The following CD6 variants were observed in gnomAD, a reference collection of about 807,000 sequenced individuals.
CD6 encodes CD6 molecule.
Under a neutral mutation model 75.3 loss-of-function variants are expected in CD6, and 53 were observed. That is an observed-to-expected ratio of 0.70 (90% CI 0.56 to 0.88). The LOEUF is 0.88. CD6 is among the 40% of genes least tolerant of loss of function. CD6 has a pLI of 0.00. For missense variants in CD6, 770 were observed against 897.1 expected (o/e 0.86, Z 1.81); for synonymous variants, 359 against 381.5 (o/e 0.94, Z 0.69).
chr11:60,974,162 G>T (rs1157616737), intron 1 of CD6, among the ~76,000 whole-genome samples: 1 of 152,192 alleles, frequency 6.6e-6, no homozygotes. Context: ...CTGGGATAAT[G>T]AAGTGCGTGT....
chr11:61,014,734 CA>C (rs553540779), intron 8 of CD6, among the ~76,000 whole-genome samples: 2,678 of 104,546 alleles, frequency 0.026, 155 homozygotes, highest in Admixed American at 0.16. Context: ...GACTCTGTCT[CA>C]AAAAAAAAAA....
intron 1 of CD6, among the ~76,000 whole-genome samples, chr11:60,987,259 A>C (rs1176434043): frequency 6.6e-6 from 1 of 152,174 alleles, no homozygotes; most frequent in Non-Finnish European, 1.5e-5. Flanking sequence ...AATCTTGGGC[A>C]TTTCTTGACT....
intron 1 of CD6, among the ~76,000 whole-genome samples, chr11:60,992,797 C>T (rs772363456): frequency 6.5e-4 from 99 of 152,098 alleles, no homozygotes; most frequent in African/African-American, 2.3e-3. Flanking sequence ...CACTACACTC[C>T]AGCCTCGGCG....
chr11:61,013,688 G>A (rs1200965067), intron 7 of CD6, 125 bp downstream of exon 7: 7 of 1,106,686 alleles, frequency 6.3e-6, no homozygotes, highest in African/African-American at 1.6e-5. Flanking sequence ...TCCCCAAGGT[G>A]GAAAGGATTT....
chr11:60,995,769 G>A (rs532660156), intron 1 of CD6, among the ~76,000 whole-genome samples: 58 of 152,224 alleles, frequency 3.8e-4, no homozygotes, highest in African/African-American at 1.2e-3. Context: ...ATGCCACCCA[G>A]GACCCCCTGC....
chr11:61,018,656 A>C, intron 12 of CD6: 1 of 470,944 alleles, frequency 2.1e-6, no homozygotes, highest in Non-Finnish European at 3.8e-6. Context: ...GTCTCTACAA[A>C]ACTAAAAACT....
intron 1 of CD6, among the ~76,000 whole-genome samples, chr11:60,993,113 C>T (rs1858134143): frequency 6.6e-6 from 1 of 152,142 alleles, no homozygotes; most frequent in Non-Finnish European, 1.5e-5. Context: ...GAGCCTGAGC[C>T]AGCCTTGGAG....
chr11:61,009,434 C>A, intron 4 of CD6, 138 bp from the exon 5 acceptor site: 2 of 770,000 alleles, frequency 2.6e-6, no homozygotes, highest in Non-Finnish European at 4.0e-6. Flanking sequence ...GACAGGGGGA[C>A]ACAGACACAG....
Position 61,020,194 on chromosome 11 carries a change from C to T in CD6, c.*876C>T, listed in dbSNP as rs565026987. 2.8e-5 allele frequency: 11 copies of T among 398,680 alleles called. No homozygotes were observed. Among genetic ancestry groups the T allele is most frequent in the East Asian group, 2.1e-4 (6 of 28,072 alleles). The allele number at this position is 398,680 out of a possible 1,614,324, so 24.7% of individuals were successfully genotyped here. ...GGGGCTCAGAAGCTGCACTAGGCCC[C>T]GAGTCCCCATGTGTCTCCTTGAATT... On this transcript the variant is annotated 3_prime_UTR_variant, in exon 13 of 13. Transcript: ENST00000313421.
In CD6 at chr11:61,000,205, T is replaced by C. The variant is rs79149699; in HGVS notation, c.50-6369T>C. ...TCTCCAGGCAGTATGGTACTTGAGATAGTTTTATTTAGGATAAGTTCCCAG... is the reference window on the plus strand; with the variant it reads ...TCTCCAGGCAGTATGGTACTTGAGACAGTTTTATTTAGGATAAGTTCCCAG... On this transcript the variant is annotated intron_variant, in intron 1 of 12. Transcript: ENST00000313421. Among the ~76,000 whole-genome samples the C allele has an allele frequency of 9.9e-5, 15 of 152,274 alleles. 1 individual carries two copies. The highest frequency in any genetic ancestry group is 3.6e-4 in the African/African-American group (15 of 41,548).
intron 1 of CD6, among the ~76,000 whole-genome samples, chr11:60,979,144 T>C (rs1319594195): frequency 6.6e-6 from 1 of 152,214 alleles, no homozygotes; most frequent in Admixed American, 6.5e-5. Flanking sequence ...GGGAGTTGCC[T>C]GGCTTGTTTC....
rs1288140127 is a variant in CD6, at chr11:61,020,135, T to A, written c.*817T>A. The A allele has an allele frequency of 2.5e-6, 1 of 398,486 alleles. No homozygotes were observed. Among genetic ancestry groups the A allele is most frequent in the Non-Finnish European group, 4.4e-6 (1 of 226,126 alleles). 24.7% of individuals were successfully genotyped at this position (398,486 alleles called of 1,614,324 possible). A position where few individuals can be genotyped will look rare whatever the true frequency, so the allele number is the denominator to read the frequency against. On this transcript the variant is annotated 3_prime_UTR_variant, in exon 13 of 13. Transcript: ENST00000313421. ...CCCAGAGATAGGGGCCCAGTCTCCA[T>A]GGGGGCAAGGAGCATAGAGATGTTT... is the stretch of plus-strand genomic sequence containing the variant.
At chr11:60,983,630 GTTGT>G (rs1857677256) in intron 1 of CD6, among the ~76,000 whole-genome samples, 1 of 149,388 alleles carries the variant, frequency 6.7e-6, no homozygotes, top group Non-Finnish European at 1.5e-5. Flanking sequence ...TGTTTTTGTT[GTTGT>G]TTTTTTTTTT....
At chr11:61,015,513 G>A in intron 8 of CD6, 200 bp from the exon 9 acceptor site, 2 of 605,842 alleles carry the variant, frequency 3.3e-6, no homozygotes, top group Non-Finnish European at 5.8e-6. Flanking sequence ...CAATGCTGCA[G>A]TGAGCTGTGA....
At chr11:60,988,824 G>A (rs1857932901) in intron 1 of CD6, among the ~76,000 whole-genome samples, 1 of 152,196 alleles carries the variant, frequency 6.6e-6, no homozygotes, top group African/African-American at 2.4e-5. Flanking sequence ...AGCTCTGGGA[G>A]ACCTAGAACC....
chr11:61,008,272 A>G (rs1450460435), intron 3 of CD6: 3 of 500,052 alleles, frequency 6.0e-6, no homozygotes, highest in Non-Finnish European at 1.1e-5. Flanking sequence ...CCAGGTTCAC[A>G]GGGTCCCTAA....
At chr11:60,987,443 C>T (rs1022743318) in intron 1 of CD6, among the ~76,000 whole-genome samples, 1 of 152,188 alleles carries the variant, frequency 6.6e-6, no homozygotes, top group Non-Finnish European at 1.5e-5. Flanking sequence ...TCCAAATAAG[C>T]TCACATTCTG....
intron 1 of CD6, 34 bp from the exon 2 acceptor site, chr11:61,006,536 GCTCA>G: frequency 6.5e-7 from 1 of 1,542,606 alleles, no homozygotes; most frequent in Non-Finnish European, 8.8e-7. Context: ...CCAGGCCTGA[GCTCA>G]CTCACCCACC....
chr11:61,010,945 C>A, intron 5 of CD6, 125 bp from the exon 6 acceptor site: 1 of 811,682 alleles, frequency 1.2e-6, no homozygotes, highest in Non-Finnish European at 2.1e-6. Context: ...GCCACGTGTC[C>A]CTGATGGGAG....
Sources: gnomAD v4.1 joint callset for allele counts (sites outside exome capture counted in the v4.1 genomes callset) on GRCh38, gnomAD v4.1.1 for gene constraint, MANE v1.5 for transcripts, NCBI Gene and HGNC (gene_info 2026-07-23, HGNC 2026-07-21) for gene names.